RCC2: variants seen among roughly 807,000 people sequenced by gnomAD.
The protein encoded by RCC2 is protein RCC2.
A neutral mutation model predicts 64.1 loss-of-function variants in RCC2; 19 were observed. That is an observed-to-expected ratio of 0.30 (90% CI 0.21 to 0.44). RCC2 has a LOEUF of 0.44. Ranked by LOEUF, RCC2 falls within the 20% of genes least tolerant of loss-of-function variation. RCC2 has a pLI of 1.00. For missense variants in RCC2, 508 were observed against 710.4 expected (o/e 0.72, Z 3.24); for synonymous variants, 325 against 279.6 (o/e 1.16, Z -1.62).
chr1:17,426,759 C>CTTTTTTT (rs146347066), intron 3 of RCC2, among the ~76,000 whole-genome samples: 34 of 110,000 alleles, frequency 3.1e-4, no homozygotes, highest in South Asian at 5.7e-4. Context: ...TCTTACTTTT[C>CTTTTTTT]TTTTTTTTTT....
intron 4 of RCC2, 113 bp from the exon 5 acceptor site, chr1:17,422,949 T>C: frequency 1.5e-6 from 2 of 1,306,426 alleles, no homozygotes; most frequent in Non-Finnish European, 2.1e-6. Context: ...CTCTGGAAGG[T>C]ACCCTCCAAA....
At chr1:17,426,089 TGA>T (rs1557630086) in intron 3 of RCC2, among the ~76,000 whole-genome samples, 7 of 152,128 alleles carry the variant, frequency 4.6e-5, no homozygotes, top group African/African-American at 1.7e-4. Context: ...AGCCGTCAGC[TGA>T]GGAAGAGGCT....
At chr1:17,430,969 T>A (rs2075669389) in intron 2 of RCC2, among the ~76,000 whole-genome samples, 1 of 151,792 alleles carries the variant, frequency 6.6e-6, no homozygotes, top group Non-Finnish European at 1.5e-5. Context: ...CCACCCACCT[T>A]GGCCTCCCAA....
At position 17,407,735 on chromosome 1, in the gene RCC2, A is replaced by G. The variant is rs969300548; in HGVS notation, c.*1355T>C. The G allele has an allele frequency of 6.6e-6, 1 of 152,630 alleles. No homozygotes were observed. The highest frequency in any genetic ancestry group is 1.5e-5 in the Non-Finnish European group (1 of 68,032). The allele number at this position is 152,630 out of a possible 1,614,324, so 9.5% of individuals were successfully genotyped here. A position where few individuals can be genotyped will look rare whatever the true frequency, so the allele number is the denominator to read the frequency against. ...AGAAAAAAAAAACTTGAAGAGACCA[A>G]TATTTAACTTTCCCATCCACCCAAG... On this transcript the variant is annotated 3_prime_UTR_variant, in exon 13 of 13. Transcript: ENST00000375436.
At chr1:17,427,110 T>C (rs1478793955) in intron 3 of RCC2, among the ~76,000 whole-genome samples, 1 of 152,208 alleles carries the variant, frequency 6.6e-6, no homozygotes, top group African/African-American at 2.4e-5. Flanking sequence ...AGGATTGTGG[T>C]GATTATCCTG....
chr1:17,420,102 G>A (rs886872383), intron 7 of RCC2, among the ~76,000 whole-genome samples: 1 of 152,180 alleles, frequency 6.6e-6, no homozygotes, highest in African/African-American at 2.4e-5. Flanking sequence ...ACCGGGAAGC[G>A]CACTTCAGGG....
intron 4 of RCC2, 43 bp downstream of exon 4, chr1:17,425,498 G>A: frequency 1.3e-6 from 2 of 1,543,804 alleles, no homozygotes; most frequent in Non-Finnish European, 1.8e-6. Flanking sequence ...GGGGACAGCT[G>A]GTGACAGTGG....
At chr1:17,428,336 C>G (rs147171425) in intron 3 of RCC2, among the ~76,000 whole-genome samples, 1 of 152,240 alleles carries the variant, frequency 6.6e-6, no homozygotes, top group East Asian at 1.9e-4. Context: ...CCAAACAACG[C>G]GCTGCTGCTA....
chr1:17,417,257 G>A (rs781463299), intron 7 of RCC2, among the ~76,000 whole-genome samples: 3 of 152,230 alleles, frequency 2.0e-5, no homozygotes, highest in Non-Finnish European at 2.9e-5. Context: ...CCACACACCA[G>A]AAGCCCGGCT....
intron 2 of RCC2, among the ~76,000 whole-genome samples, chr1:17,435,064 C>A (rs1388597915): frequency 1.3e-5 from 2 of 152,182 alleles, no homozygotes; most frequent in Non-Finnish European, 2.9e-5. Flanking sequence ...GATCACACCA[C>A]TGCACTCCAG....
In RCC2 at chr1:17,412,110, G is replaced by T; in HGVS notation, c.1386+12C>A. Reference sequence around the variant, plus strand: ...CTTCCACTTCCCCTGACCCGCACAGGTGACAGCTTACCAGTTCCCCAAAGG... The same window carrying T: ...CTTCCACTTCCCCTGACCCGCACAGTTGACAGCTTACCAGTTCCCCAAAGG... On this transcript the variant is annotated intron_variant, in intron 11 of 12. Transcript: ENST00000375436. 2 of 1,613,906 alleles carry T rather than the reference G, an allele frequency of 1.2e-6. No individual in the cohort carries two copies. The highest frequency in any genetic ancestry group is 1.7e-6 in the Non-Finnish European group (2 of 1,179,806).
At chr1:17,414,801 T>C (rs2075465812) in intron 8 of RCC2, among the ~76,000 whole-genome samples, 1 of 152,102 alleles carries the variant, frequency 6.6e-6, no homozygotes, top group Non-Finnish European at 1.5e-5. Context: ...CAGCTGATTT[T>C]TGTGGTTTTT....
At chr1:17,417,609 G>A (rs543169010) in intron 7 of RCC2, among the ~76,000 whole-genome samples, 2 of 152,276 alleles carry the variant, frequency 1.3e-5, no homozygotes, top group South Asian at 4.1e-4. Context: ...CTTGAACCTG[G>A]GAGGTGGAGG....
chr1:17,419,706 G>A (rs921998752), intron 7 of RCC2, among the ~76,000 whole-genome samples: 2 of 152,164 alleles, frequency 1.3e-5, no homozygotes, highest in Non-Finnish European at 2.9e-5. Context: ...GCTTCCTGAC[G>A]GAAAATCGAC....
At chr1:17,419,835 G>A (rs1245407068) in intron 7 of RCC2, among the ~76,000 whole-genome samples, 5 of 152,188 alleles carry the variant, frequency 3.3e-5, no homozygotes, top group Admixed American at 3.3e-4. Flanking sequence ...ACTGTCTCGG[G>A]CTCCACCACG....
At chr1:17,413,379 G>C (rs553083233) in intron 9 of RCC2, among the ~76,000 whole-genome samples, 158 bp downstream of exon 9, 43 of 152,290 alleles carry the variant, frequency 2.8e-4, no homozygotes, top group Admixed American at 1.8e-3. Context: ...GAGCCCAGGA[G>C]TTCGACACCG....
chr1:17,412,108 A>C lies in RCC2; in HGVS notation c.1386+14T>G. On this transcript the variant is annotated intron_variant, in intron 11 of 12. Transcript: ENST00000375436. Reference sequence around the variant, plus strand: ...GGCTTCCACTTCCCCTGACCCGCACAGGTGACAGCTTACCAGTTCCCCAAA... The same window carrying C: ...GGCTTCCACTTCCCCTGACCCGCACCGGTGACAGCTTACCAGTTCCCCAAA... 3 of 1,613,838 alleles carry C rather than the reference A, an allele frequency of 1.9e-6. No individual in the cohort carries two copies. Among genetic ancestry groups the C allele is most frequent in the Non-Finnish European group, 2.5e-6 (3 of 1,179,740 alleles).
chr1:17,438,572 C>T, intron 1 of RCC2, 50 bp from the exon 2 acceptor site: 1 of 1,279,894 alleles, frequency 7.8e-7, no homozygotes, highest in Non-Finnish European at 9.9e-7. Context: ...TTATAAACTG[C>T]GCGGGGGGAG....
chr1:17,435,699 C>T (rs1171250041), intron 2 of RCC2, among the ~76,000 whole-genome samples: 2 of 152,186 alleles, frequency 1.3e-5, no homozygotes. Context: ...GGTGGACCAC[C>T]TGAGATCAGG....
Sources: allele counts gnomAD v4.1 joint callset (sites outside exome capture counted in the v4.1 genomes callset), GRCh38; gene constraint gnomAD v4.1.1; transcripts MANE v1.5; gene names NCBI Gene and HGNC (gene_info 2026-07-23, HGNC 2026-07-21).